Variants in SYNDIG1 observed in about 807,000 individuals in gnomAD.
The protein encoded by SYNDIG1 is synapse differentiation-inducing gene protein 1.
A neutral mutation model predicts 19.4 loss-of-function variants in SYNDIG1; 9 were observed. That is an observed-to-expected ratio of 0.46 (90% CI 0.28 to 0.81). SYNDIG1 has a LOEUF of 0.81. SYNDIG1 is among the 30% of genes least tolerant of loss of function. SYNDIG1 has a pLI of 0.12. For synonymous variants in SYNDIG1, 141 were observed against 145.9 expected (o/e 0.97, Z 0.24); for missense variants, 311 against 343.3 (o/e 0.91, Z 0.74).
chr20:24,604,473 A>G (rs1178168381), intron 3 of SYNDIG1, among the ~76,000 whole-genome samples: 1 of 152,186 alleles, frequency 6.6e-6, no homozygotes, highest in Non-Finnish European at 1.5e-5. Context: ...ACTGCTCATT[A>G]TATGCTAATT....
At chr20:24,641,288 G>A (rs561253811) in intron 3 of SYNDIG1, among the ~76,000 whole-genome samples, 4 of 137,224 alleles carry the variant, frequency 2.9e-5, no homozygotes, top group South Asian at 2.2e-4. Context: ...TGGATGGATT[G>A]ATGGATGGAT....
At chr20:24,510,901 A>G (rs1051625297) in intron 1 of SYNDIG1, among the ~76,000 whole-genome samples, 1 of 152,170 alleles carries the variant, frequency 6.6e-6, no homozygotes, top group African/African-American at 2.4e-5. Context: ...GCTGAATTCT[A>G]GGTAGTATCA....
chr20:24,478,623 A>G (rs1481618123), intron 1 of SYNDIG1, among the ~76,000 whole-genome samples: 1 of 152,224 alleles, frequency 6.6e-6, no homozygotes, highest in Non-Finnish European at 1.5e-5. Context: ...AGACAAACAG[A>G]TGCAGACAGC....
chr20:24,643,368 T>A (rs1464137772), intron 3 of SYNDIG1, among the ~76,000 whole-genome samples: 1 of 152,138 alleles, frequency 6.6e-6, no homozygotes, highest in East Asian at 1.9e-4. Flanking sequence ...TCAGCTAGAG[T>A]GCCATGTTCA....
intron 1 of SYNDIG1, among the ~76,000 whole-genome samples, chr20:24,520,914 C>T (rs1029697662): frequency 2.0e-5 from 3 of 152,102 alleles, no homozygotes; most frequent in Admixed American, 6.6e-5. Context: ...CCATCACCAC[C>T]GTCCATCTGC....
At chr20:24,564,404 T>C (rs1186027160) in intron 2 of SYNDIG1, among the ~76,000 whole-genome samples, 1 of 152,224 alleles carries the variant, frequency 6.6e-6, no homozygotes, top group Non-Finnish European at 1.5e-5. Flanking sequence ...TTTCACAGTA[T>C]TTCCTAAAAA....
intron 1 of SYNDIG1, among the ~76,000 whole-genome samples, chr20:24,500,949 A>C (rs1233734427): frequency 6.6e-6 from 1 of 152,226 alleles, no homozygotes; most frequent in Non-Finnish European, 1.5e-5. Flanking sequence ...TAGTGAAGAA[A>C]TATTGAAAAC....
intron 2 of SYNDIG1, among the ~76,000 whole-genome samples, chr20:24,574,809 G>T (rs2058201081): frequency 6.6e-6 from 1 of 152,218 alleles, no homozygotes; most frequent in Admixed American, 6.5e-5. Flanking sequence ...GCTACACACA[G>T]AGGTGAATCT....
chr20:24,661,338 G>GA (rs1430159645), intron 3 of SYNDIG1, among the ~76,000 whole-genome samples: 2 of 135,400 alleles, frequency 1.5e-5, no homozygotes, highest in African/African-American at 5.2e-5. Context: ...GAGAGGGGGA[G>GA]GAAGGAGGGA....
intron 3 of SYNDIG1, among the ~76,000 whole-genome samples, chr20:24,590,809 T>C (rs1461450081): frequency 6.6e-6 from 1 of 151,902 alleles, no homozygotes; most frequent in Admixed American, 6.6e-5. Flanking sequence ...GAGCTGGGGA[T>C]CAAGCACCGG....
At chr20:24,496,456 C>T (rs2056308022) in intron 1 of SYNDIG1, among the ~76,000 whole-genome samples, 1 of 152,116 alleles carries the variant, frequency 6.6e-6, no homozygotes, top group Admixed American at 6.6e-5. Flanking sequence ...AAATTTAATT[C>T]CTTAAGATTT....
Position 24,580,922 on chromosome 20 carries a change from C to T in SYNDIG1, c.481-3934C>T, listed in dbSNP as rs138913065. Among the ~76,000 whole-genome samples the T allele has an allele frequency of 5.5e-4, 84 of 152,300 alleles. 1 individual carries two copies. The East Asian group carries it at 0.015, about 27-fold the overall frequency. ...GATGGAAGGCAATGCCTCCAAGTGC[C>T]TACGTGGTCCGGGTCAACGGTTCCC... On this transcript the variant is annotated intron_variant, in intron 2 of 3. Coordinates refer to ENST00000376862, the MANE Select transcript of SYNDIG1 (RefSeq NM_024893.3).
At chr20:24,609,177 G>T (rs2058808218) in intron 3 of SYNDIG1, among the ~76,000 whole-genome samples, 1 of 152,188 alleles carries the variant, frequency 6.6e-6, no homozygotes, top group African/African-American at 2.4e-5. Flanking sequence ...GCAGTTCTCG[G>T]CAATGTCCCC....
At position 24,600,134 on chromosome 20, in the gene SYNDIG1, C is replaced by T. The variant is rs116346235; in HGVS notation, c.618+15141C>T. Among the ~76,000 whole-genome samples the T allele has an allele frequency of 5.1e-3, 781 of 152,218 alleles. 8 individuals are homozygous for T. Among genetic ancestry groups the T allele is most frequent in the African/African-American group, 0.017 (726 of 41,526 alleles). On this transcript the variant is annotated intron_variant, in intron 3 of 3. Transcript: ENST00000376862. ...TTTCATATGTCTTCACAAAAAATAT[C>T]GAGCTTTCCACATATGTGATATATT...
intron 3 of SYNDIG1, among the ~76,000 whole-genome samples, chr20:24,614,817 TA>T (rs1351856129): frequency 2.6e-5 from 4 of 152,216 alleles, no homozygotes; most frequent in African/African-American, 7.2e-5. Context: ...AGGCTATACT[TA>T]AAATGTTTAT....
At chr20:24,480,539 C>T (rs539742134) in intron 1 of SYNDIG1, among the ~76,000 whole-genome samples, 9 of 152,212 alleles carry the variant, frequency 5.9e-5, no homozygotes, top group South Asian at 2.1e-4. Context: ...TGTGAGAGGA[C>T]GTAGTTGCTA....
At chr20:24,561,287 G>A (rs1337970003) in intron 2 of SYNDIG1, among the ~76,000 whole-genome samples, 1 of 152,174 alleles carries the variant, frequency 6.6e-6, no homozygotes, top group Non-Finnish European at 1.5e-5. Flanking sequence ...TGTGAGGAGA[G>A]CTTACCAAGC....
At chr20:24,630,860 G>A (rs1243575536) in intron 3 of SYNDIG1, among the ~76,000 whole-genome samples, 3 of 152,240 alleles carry the variant, frequency 2.0e-5, no homozygotes, top group African/African-American at 7.2e-5. Context: ...AGTTGGTGGT[G>A]AGACTAATAC....
At chr20:24,537,273 AAGG>A (rs2057380406) in intron 1 of SYNDIG1, among the ~76,000 whole-genome samples, 1 of 152,198 alleles carries the variant, frequency 6.6e-6, no homozygotes, top group Non-Finnish European at 1.5e-5. Context: ...ACACACATGA[AAGG>A]AGAGAGGATT....
Sources: allele counts gnomAD v4.1 joint callset (sites outside exome capture counted in the v4.1 genomes callset), GRCh38; gene constraint gnomAD v4.1.1; transcripts MANE v1.5; gene names NCBI Gene and HGNC (gene_info 2026-07-23, HGNC 2026-07-21).